The following LRP1B variants were observed in gnomAD, a reference collection of about 807,000 sequenced individuals.
The protein encoded by LRP1B is low-density lipoprotein receptor-related protein 1B.
A neutral mutation model predicts 556.6 loss-of-function variants in LRP1B; 217 were observed. That is an observed-to-expected ratio of 0.39 (90% CI 0.35 to 0.44). The LOEUF is 0.44. LRP1B is among the 20% of genes least tolerant of loss of function. The pLI, the probability that LRP1B is intolerant of heterozygous loss-of-function variation, is 1.00. For synonymous variants in LRP1B, 2,047 were observed against 1,865.8 expected, an observed-to-expected ratio of 1.10 and a Z score of -2.50; for missense variants, 5,053 against 5,620.8, an observed-to-expected ratio of 0.90 and a Z score of 3.23.
intron 2 of LRP1B, among the ~76,000 whole-genome samples, chr2:141,562,257 TAA>T (rs1045171619): frequency 9.2e-5 from 14 of 152,002 alleles, no homozygotes; most frequent in African/African-American, 3.4e-4. Context: ...TGTCAGAGGC[TAA>T]GAGGTACCTT....
chr2:140,400,861 G>A (rs547337836), intron 66 of LRP1B, among the ~76,000 whole-genome samples: 1 of 152,270 alleles, frequency 6.6e-6, no homozygotes, highest in African/African-American at 2.4e-5. Context: ...TGGGGAACCT[G>A]AAATTCCATG....
At chr2:141,510,715 C>T (rs34962994) in intron 2 of LRP1B, among the ~76,000 whole-genome samples, 106,987 of 151,946 alleles carry the variant, frequency 0.7, 38,909 homozygotes, top group Admixed American at 0.79. Context: ...TCTAGAACCA[C>T]CTTATCTAAA....
intron 3 of LRP1B, among the ~76,000 whole-genome samples, chr2:141,419,830 T>G (rs1189977222): frequency 6.7e-6 from 1 of 149,806 alleles, no homozygotes; most frequent in Non-Finnish European, 1.5e-5. Context: ...GAGGTATAGA[T>G]TATTTATTTG....
intron 41 of LRP1B, among the ~76,000 whole-genome samples, chr2:140,677,383 T>C (rs1029260434): frequency 6.6e-6 from 1 of 152,168 alleles, no homozygotes; most frequent in Non-Finnish European, 1.5e-5. Context: ...AGCAATTTGT[T>C]TATAGTTTTA....
At chr2:140,329,018 TG>T (rs1680651280) in intron 79 of LRP1B, among the ~76,000 whole-genome samples, 1 of 152,082 alleles carries the variant, frequency 6.6e-6, no homozygotes, top group Admixed American at 6.6e-5. Flanking sequence ...TGCTGCAATC[TG>T]GGGGAGCTAG....
intron 20 of LRP1B, among the ~76,000 whole-genome samples, chr2:140,937,575 C>A (rs771997104): frequency 4.8e-4 from 73 of 152,150 alleles, no homozygotes; most frequent in Admixed American, 1.1e-3. Context: ...CTGAAATGTG[C>A]ACTTAAAATC....
chr2:140,625,056 T>C (rs1188471189), intron 41 of LRP1B, among the ~76,000 whole-genome samples: 1 of 152,130 alleles, frequency 6.6e-6, no homozygotes, highest in Non-Finnish European at 1.5e-5. Flanking sequence ...GAGGAGAACA[T>C]GCAGGATCTT....
intron 49 of LRP1B, among the ~76,000 whole-genome samples, chr2:140,522,427 G>T (rs974232295): frequency 3.3e-5 from 5 of 151,680 alleles, no homozygotes; most frequent in African/African-American, 1.2e-4. Context: ...GGCAAAAACA[G>T]TATTAAAAGG....
At chr2:140,548,426 G>A (rs1025840996) in intron 43 of LRP1B, among the ~76,000 whole-genome samples, 1 of 152,136 alleles carries the variant, frequency 6.6e-6, no homozygotes, top group South Asian at 2.1e-4. Context: ...GTTGCACCCA[G>A]TGTTCACATT....
At chr2:141,459,808 G>A (rs1681790014) in intron 3 of LRP1B, among the ~76,000 whole-genome samples, 1 of 152,118 alleles carries the variant, frequency 6.6e-6, no homozygotes, top group African/African-American at 2.4e-5. Context: ...TCTTTCTTTT[G>A]TAAATTGCCC....
chr2:141,505,214 A>G (rs555462440), intron 2 of LRP1B, among the ~76,000 whole-genome samples: 1 of 142,912 alleles, frequency 7.0e-6, no homozygotes, highest in Non-Finnish European at 1.6e-5. Context: ...TAAAAGCTCC[A>G]ATGGTTATCA....
intron 21 of LRP1B, among the ~76,000 whole-genome samples, chr2:140,919,056 G>A (rs1398138599): frequency 6.6e-6 from 1 of 151,792 alleles, no homozygotes; most frequent in African/African-American, 2.4e-5. Context: ...CATACTTATT[G>A]TAAACTTATT....
intron 3 of LRP1B, among the ~76,000 whole-genome samples, chr2:141,476,170 C>T (rs780955871): frequency 3.3e-5 from 5 of 152,198 alleles, no homozygotes; most frequent in Non-Finnish European, 7.3e-5. Flanking sequence ...CCCATGGCGG[C>T]CCAACAGATG....
chr2:140,395,831 G>A (rs1459450591), intron 66 of LRP1B, among the ~76,000 whole-genome samples: 5 of 152,112 alleles, frequency 3.3e-5, no homozygotes, highest in African/African-American at 4.8e-5. Flanking sequence ...TTCAGCAAGT[G>A]TCATATTACA....
chr2:141,188,024 A>G (rs147776117), intron 7 of LRP1B, among the ~76,000 whole-genome samples: 2,234 of 152,166 alleles, frequency 0.015, 25 homozygotes, highest in Middle Eastern at 0.041. Context: ...TATGCTGGAT[A>G]TAAGTATGTC....
At position 140,560,966 on chromosome 2, in the gene LRP1B, T is replaced by C. The variant is rs184491551; in HGVS notation, c.7195-18995A>G. 2.6e-3 allele frequency among the ~76,000 whole-genome samples: 389 copies of C among 152,264 alleles called. 1 individual carries two copies. Among genetic ancestry groups the C allele is most frequent in the Non-Finnish European group, 4.3e-3 (294 of 68,004 alleles). The stretch of plus-strand genomic sequence containing the variant: ...AGATAAATGGGGATTTAGTGGAATG[T>C]ACTGGTGCTCAGAAAACAATACCCC... On this transcript the variant is annotated intron_variant, in intron 43 of 90. Coordinates refer to ENST00000389484, the MANE Select transcript of LRP1B (RefSeq NM_018557.3).
chr2:141,248,318 C>T (rs1684141958), intron 4 of LRP1B, among the ~76,000 whole-genome samples: 1 of 152,024 alleles, frequency 6.6e-6, no homozygotes, highest in East Asian at 1.9e-4. Context: ...AAATATGGTC[C>T]CTACCCCTGA....
At chr2:140,361,365 T>TATATATATATATATAC (rs1553454147) in intron 72 of LRP1B, among the ~76,000 whole-genome samples, 10 of 130,716 alleles carry the variant, frequency 7.7e-5, no homozygotes, top group Non-Finnish European at 8.3e-5. Flanking sequence ...TATATATATA[T>TATATATATATATATAC]ATATATATAT....
intron 2 of LRP1B, among the ~76,000 whole-genome samples, chr2:141,512,403 C>A (rs557986627): frequency 1.2e-4 from 18 of 152,228 alleles, no homozygotes; most frequent in Middle Eastern, 3.4e-3. Context: ...CGTGAGCAGA[C>A]CTTATACACA....
Sources: gnomAD v4.1 joint callset for allele counts (sites outside exome capture counted in the v4.1 genomes callset) on GRCh38, gnomAD v4.1.1 for gene constraint, MANE v1.5 for transcripts, NCBI Gene and HGNC (gene_info 2026-07-23, HGNC 2026-07-21) for gene names.